PLXNB1: variants seen among roughly 807,000 people sequenced by gnomAD.
The protein encoded by PLXNB1 is plexin B1.
PLXNB1 carries 106 observed loss-of-function variants against 209.4 expected under a neutral mutation model. The ratio of observed to expected loss-of-function variants is 0.51; its 90% CI spans 0.43 to 0.59. The LOEUF (loss-of-function observed/expected upper bound fraction) is 0.59. PLXNB1 is among the 20% of genes least tolerant of loss of function. The probability of loss-of-function intolerance (pLI) is 0.00; values close to 1 mark genes in which losing one functional copy is unlikely to be tolerated. For synonymous variants in PLXNB1, 1,167 were observed against 1,183.2 expected (o/e 0.99, Z 0.28); for missense variants, 2,357 against 2,853.2 (o/e 0.83, Z 3.96).
rs1250026312 is a variant in PLXNB1 at position 48,424,290 on chromosome 3, G to A, written c.322C>T (p.Leu108=). ...TGGTGCACGCTCCCGCATACCACCAGGGCCCCTGGGCTCACCAGGAGCAGC... is the reference window on the plus strand; with the variant it reads ...TGGTGCACGCTCCCGCATACCACCAAGGCCCCTGGGCTCACCAGGAGCAGC... ...NQLLLVSPGA[L]VVCGSVHQGV... The change falls in exon 3 of 38, where the codon CTG becomes TTG. Residue 108 remains leucine (L), a synonymous_variant. Transcript: ENST00000296440. 1 of 1,575,810 alleles carries A rather than the reference G, an allele frequency of 6.3e-7. No individual in the cohort carries two copies. The highest frequency in any genetic ancestry group is 1.2e-5 in the South Asian group (1 of 86,328).
chr3:48,404,753 G>A (rs1002638551), intron 37 of PLXNB1, among the ~76,000 whole-genome samples, 163 bp from the exon 38 acceptor site: 15 of 152,238 alleles, frequency 9.9e-5, no homozygotes, highest in East Asian at 3.9e-4. Flanking sequence ...CCTCGCTGGC[G>A]GGAGGGGTAA....
intron 26 of PLXNB1, 68 bp downstream of exon 26, chr3:48,412,374 C>T (rs1259652367): frequency 5.6e-6 from 9 of 1,611,140 alleles, no homozygotes; most frequent in East Asian, 4.5e-5. Flanking sequence ...CCTGCAGACC[C>T]CCCAGCCCGA....
Position 48,405,687 on chromosome 3 carries a change from G to A in PLXNB1, c.6303+37C>T. 1 of 1,531,538 alleles carries A rather than the reference G, an allele frequency of 6.5e-7. No homozygotes were observed. The highest frequency in any genetic ancestry group is 9.0e-7 in the Non-Finnish European group (1 of 1,107,620). 94.9% of individuals were successfully genotyped at this position (1,531,538 alleles called of 1,614,324 possible). The stretch of plus-strand genomic sequence containing the variant: ...CCCCTTAAGTCTCCTGGGAGGCCTT[G>A]GGTCAGCCTCCCAGTCGGGGTCCAG... On this transcript the variant is annotated intron_variant, in intron 37 of 37. Transcript: ENST00000296440. This position sits in a 1 kb window ranked among gnomAD's most constrained non-coding sequence, Gnocchi z 5.0.
At position 48,419,307 on chromosome 3, in the gene PLXNB1, C is replaced by G; in HGVS notation, c.2769G>C (p.Thr923=). ...CPCVESVQGS[T]LMPVHVEREI... The stretch of plus-strand genomic sequence containing the variant: ...CCCGCTCCACATGGACCGGCATCAA[C>G]GTGGAGCCCTGAACGCTCTCCACAC... Residue 923 remains threonine, a synonymous_variant, in exon 12 of 38, where the codon ACG becomes ACC. Coordinates refer to ENST00000296440, the MANE Select transcript of PLXNB1 (RefSeq NM_001130082.3). The surrounding 1 kb of genome is among the most constrained non-coding windows in gnomAD (Gnocchi z 5.7). 1 of 1,598,748 alleles carries G rather than the reference C, an allele frequency of 6.3e-7. No individual in the cohort carries two copies. Among genetic ancestry groups the G allele is most frequent in the South Asian group, 1.1e-5 (1 of 89,938 alleles).
chr3:48,404,538 T>G lies in PLXNB1; in HGVS notation c.6356A>C (p.Tyr2119Ser). 6.2e-7 allele frequency: 1 copy of G among 1,613,888 alleles called. No homozygotes were observed. Among genetic ancestry groups the G allele is most frequent in the Non-Finnish European group, 8.5e-7 (1 of 1,179,858 alleles). ...AGCAGCTGCAATCTGCTGGAGCCGATAGCCCAGCTGCATCTTCTGGGCCGT... is the reference window on the plus strand; with the variant it reads ...AGCAGCTGCAATCTGCTGGAGCCGAGAGCCCAGCTGCATCTTCTGGGCCGT... ...DGTAQKMQLG[Y>S]RLQQIAAAVE... The change falls in exon 38 of 38, where the codon TAT becomes TCT. Residue 2119 changes from tyrosine (Y) to serine (S), a missense_variant. Transcript: ENST00000296440.
chr3:48,422,040 C>G, intron 6 of PLXNB1, 65 bp downstream of exon 6: 1 of 1,456,668 alleles, frequency 6.9e-7, no homozygotes, highest in Non-Finnish European at 9.6e-7. Flanking sequence ...GAATTCTGGA[C>G]AGGACAATTA....
chr3:48,423,849 C>G lies in PLXNB1; in HGVS notation c.763G>C (p.Asp255His), dbSNP rs2038713153. Residue 255 changes from aspartate (D) to histidine (H), a missense_variant, in exon 3 of 38, where the codon GAC becomes CAC. Around this residue, in one of 7 missense-constraint regions of PLXNB1, gnomAD observed 404 missense variants for 443.6 expected, o/e 0.91. Coordinates refer to ENST00000296440, the MANE Select transcript of PLXNB1 (RefSeq NM_001130082.3). ...RAYVSRVCLR[D>H]QHYYSYVELP... ...TCCACATAGGAGTAGTAGTGCTGGT[C>G]CCGGAGACACACTCGAGATACATAG... 6.2e-7 allele frequency: 1 copy of G among 1,613,914 alleles called. No individual in the cohort carries two copies. The highest frequency in any genetic ancestry group is 8.5e-7 in the Non-Finnish European group (1 of 1,180,024).
At position 48,419,887 on chromosome 3, in the gene PLXNB1, A is replaced by G. The variant is rs2038381662; in HGVS notation, c.2399T>C (p.Val800Ala). The G allele has an allele frequency of 6.4e-7, 1 of 1,564,580 alleles. No homozygotes were observed. Among genetic ancestry groups the G allele is most frequent in the African/African-American group, 1.3e-5 (1 of 74,266 alleles). Reference sequence around the variant, plus strand: ...CTCGGGGCCAGGGTCTGCAGGGGGCACTGCTGCTACCTCTGAGGGTGACAG... The same window carrying G: ...CTCGGGGCCAGGGTCTGCAGGGGGCGCTGCTGCTACCTCTGAGGGTGACAG... ...SPLSPSEVAA[V>A]PPADPGPEAL... The change falls in exon 11 of 38, where the codon GTG becomes GCG. Residue 800 changes from valine (V) to alanine (A), a missense_variant. Transcript: ENST00000296440. The surrounding 1 kb of genome is among the most constrained non-coding windows in gnomAD (Gnocchi z 5.7).
rs2038269102 is a variant in PLXNB1 at position 48,418,633 on chromosome 3, G to A, written c.2956-91C>T. On this transcript the variant is annotated intron_variant, in intron 13 of 37. Transcript: ENST00000296440. This position sits in a 1 kb window ranked among gnomAD's most constrained non-coding sequence, Gnocchi z 6.6. The stretch of plus-strand genomic sequence containing the variant: ...GTCAGAGAAAGGACTAAAACGACCA[G>A]TTAGGAGCATAGGGTCAGAGGGACC... The A allele has an allele frequency of 1.7e-6, 2 of 1,161,132 alleles. No homozygotes were observed. Among genetic ancestry groups the A allele is most frequent in the Non-Finnish European group, 2.5e-6 (2 of 795,444 alleles). 71.9% of individuals were successfully genotyped at this position (1,161,132 alleles called of 1,614,324 possible).
At chr3:48,412,380 C>G (rs935613702) in intron 26 of PLXNB1, 62 bp downstream of exon 26, 16 of 1,610,934 alleles carry the variant, frequency 9.9e-6, no homozygotes, top group Non-Finnish European at 1.2e-5. Context: ...GACCCCCCAG[C>G]CCGAGGCCCC....
At position 48,420,217 on chromosome 3, in the gene PLXNB1, G is replaced by A. The variant is rs767207955; in HGVS notation, c.2069C>T (p.Pro690Leu). ...GGGGGCTGTGGGTGGGGAGGGGCTG[G>A]GTCCACCTCTTGCAGGAGGGTCTGG... ...VSPDPPARGGPSPSPPTAPKA... is the reference protein window; with the variant it reads ...VSPDPPARGGLSPSPPTAPKA... Residue 690 changes from proline to leucine, a missense_variant, in exon 11 of 38, where the codon CCC becomes CTC. Physicochemically the swap from Pro to Leu is moderately conservative, Grantham distance 98. Coordinates refer to ENST00000296440, the MANE Select transcript of PLXNB1 (RefSeq NM_001130082.3). 16 of 1,555,304 alleles carry A rather than the reference G, an allele frequency of 1.0e-5. No homozygotes were observed. The highest frequency in any genetic ancestry group is 1.3e-5 in the Non-Finnish European group (15 of 1,149,794).
rs774345322 is a variant in PLXNB1 at position 48,423,488 on chromosome 3, G to A, written c.1107+17C>T. On this transcript the variant is annotated intron_variant, in intron 3 of 37. Coordinates refer to ENST00000296440, the MANE Select transcript of PLXNB1 (RefSeq NM_001130082.3). Reference sequence around the variant, plus strand: ...GGCCTCAGAGAGGCGGAAAAGTGGGGCAATACTGGAACTCACCACTGGCAG... The same window carrying A: ...GGCCTCAGAGAGGCGGAAAAGTGGGACAATACTGGAACTCACCACTGGCAG... 2.5e-6 allele frequency: 4 copies of A among 1,602,948 alleles called. No homozygotes were observed. In the Admixed American group the frequency reaches 5.0e-5, roughly 20 times the overall value.
chr3:48,426,000 GACC>G (rs746399849), intron 1 of PLXNB1, among the ~76,000 whole-genome samples: 1 of 152,162 alleles, frequency 6.6e-6, no homozygotes, highest in Non-Finnish European at 1.5e-5. Flanking sequence ...GAGACATTCA[GACC>G]ACCACTCACA....
chr3:48,414,680 G>A (rs2037952112), intron 21 of PLXNB1, 119 bp downstream of exon 21: 1 of 1,291,922 alleles, frequency 7.7e-7, no homozygotes, highest in East Asian at 2.3e-5. Context: ...CAAGGATGAG[G>A]AGCCATGTCC....
Position 48,417,709 on chromosome 3 carries a change from C to T in PLXNB1, c.3374+202G>A, listed in dbSNP as rs571802378. Among the ~76,000 whole-genome samples the T allele has an allele frequency of 1.4e-4, 21 of 152,324 alleles. No individual in the cohort carries two copies. Among genetic ancestry groups the T allele is most frequent in the Admixed American group, 7.8e-4 (12 of 15,298 alleles). Reference sequence around the variant, plus strand: ...AGTGACGGGCCCAGGAAGGATTCCCCAGCAGCCCAGGCCAGGAACCTACAG... The same window carrying T: ...AGTGACGGGCCCAGGAAGGATTCCCTAGCAGCCCAGGCCAGGAACCTACAG... On this transcript the variant is annotated intron_variant, in intron 16 of 37. Coordinates refer to ENST00000296440, the MANE Select transcript of PLXNB1 (RefSeq NM_001130082.3). This position sits in a 1 kb window ranked among gnomAD's most constrained non-coding sequence, Gnocchi z 4.4.
rs1439633852 is a variant in PLXNB1 at position 48,405,874 on chromosome 3, G to T, written c.6229-76C>A. ...CACAGGAGGCAGCCCAGGACCCCAG[G>T]GAAGGGCTGGGGGAGAAGGGGACCT... On this transcript the variant is annotated intron_variant, in intron 36 of 37. Transcript: ENST00000296440. This position sits in a 1 kb window ranked among gnomAD's most constrained non-coding sequence, Gnocchi z 5.0. The T allele has an allele frequency of 1.7e-6, 2 of 1,167,034 alleles. No homozygotes were observed. The highest frequency in any genetic ancestry group is 2.5e-6 in the Non-Finnish European group (2 of 786,580). 72.3% of individuals were successfully genotyped at this position (1,167,034 alleles called of 1,614,324 possible). A position where few individuals can be genotyped will look rare whatever the true frequency, so the allele number is the denominator to read the frequency against.
At position 48,419,282 on chromosome 3, in the gene PLXNB1, C is replaced by T. The variant is rs1456871219; in HGVS notation, c.2794G>A (p.Glu932Lys). The T allele has an allele frequency of 6.3e-7, 1 of 1,596,002 alleles. No individual in the cohort carries two copies. The highest frequency in any genetic ancestry group is 8.6e-7 in the Non-Finnish European group (1 of 1,168,452). Residue 932 changes from glutamate to lysine, a missense_variant, in exon 12 of 38, where the codon GAA becomes AAA. Around this residue, in one of 7 missense-constraint regions of PLXNB1, gnomAD observed 410 missense variants for 401.0 expected, o/e 1.02. Coordinates refer to ENST00000296440, the MANE Select transcript of PLXNB1 (RefSeq NM_001130082.3). This position sits in a 1 kb window ranked among gnomAD's most constrained non-coding sequence, Gnocchi z 5.7. The part of the protein sequence containing the change: ...STLMPVHVER[E>K]IRLLGRNLHL... The stretch of plus-strand genomic sequence containing the variant: ...AGGTTCCTGCCTAGCAGCCGGATTT[C>T]CCGCTCCACATGGACCGGCATCAAC...
chr3:48,414,147 C>G (rs995825897), intron 21 of PLXNB1, 76 bp from the exon 22 acceptor site: 18 of 1,432,802 alleles, frequency 1.3e-5, no homozygotes, highest in Non-Finnish European at 1.8e-5. Flanking sequence ...TGGGAAGGAC[C>G]CTGAGACCCA....
chr3:48,405,620 TG>T lies in PLXNB1; in HGVS notation c.6303+103del. The T allele has an allele frequency of 1.1e-6, 1 of 895,752 alleles. No homozygotes were observed. The highest frequency in any genetic ancestry group is 1.8e-6 in the Non-Finnish European group (1 of 567,040). 55.5% of individuals were successfully genotyped at this position (895,752 alleles called of 1,614,324 possible). ...GCCCGGCCCCCCACTACTCTGTCCC[TG>T]GGGAAGACCAAAGCCCCCAACGTGA... On this transcript the variant is annotated intron_variant, in intron 37 of 37. Coordinates refer to ENST00000296440, the MANE Select transcript of PLXNB1 (RefSeq NM_001130082.3). The surrounding 1 kb of genome is among the most constrained non-coding windows in gnomAD (Gnocchi z 5.0).
Sources: gnomAD v4.1 joint callset for allele counts (sites outside exome capture counted in the v4.1 genomes callset) on GRCh38, gnomAD v4.1.1 for gene constraint, gnomAD v4.1.1 regional missense constraint, Gnocchi (gnomAD v3.1) non-coding constraint, MANE v1.5 for transcripts, NCBI Gene and HGNC (gene_info 2026-07-23, HGNC 2026-07-21) for gene names.